Variants in RAB33A observed in about 807,000 individuals in gnomAD.
The protein encoded by RAB33A is RAB33A, member RAS oncogene family.
RAB33A carries 6 observed loss-of-function variants against 12.0 expected under a neutral mutation model. That is an observed-to-expected ratio of 0.50 (90% CI 0.27 to 0.99). The LOEUF is 0.99. Ranked by LOEUF, RAB33A falls within the 50% of genes least tolerant of loss-of-function variation. The probability of loss-of-function intolerance (pLI) is 0.11; values close to 1 mark genes in which losing one functional copy is unlikely to be tolerated. For synonymous variants in RAB33A, 70 were observed against 82.4 expected, an observed-to-expected ratio of 0.85 and a Z score of 0.81; for missense variants, 109 against 192.0, an observed-to-expected ratio of 0.57 and a Z score of 2.55.
chrX:130,116,678 G>A, the RAB33A span, among the ~76,000 whole-genome samples: 2 of 112,622 alleles, frequency 1.8e-5, no homozygotes, highest in African/African-American at 6.4e-5. Flanking sequence ...TGCAACATGG[G>A]CTGGTTATAC....
the RAB33A span, chrX:130,165,806 A>G: frequency 1.8e-6 from 1 of 544,673 alleles, no homozygotes; most frequent in Admixed American, 2.7e-5. Flanking sequence ...GGCATTGGAC[A>G]GAGAAGCCGG....
the RAB33A span, among the ~76,000 whole-genome samples, chrX:130,158,547 T>TTGC: frequency 9.1e-6 from 1 of 110,354 alleles, no homozygotes; most frequent in African/African-American, 3.3e-5. Context: ...GATGCTGCTG[T>TTGC]TGCTGCTGCT....
upstream of RAB33A, among the ~76,000 whole-genome samples, chrX:130,171,247 C>T (rs2031601998): frequency 1.8e-5 from 2 of 112,800 alleles, no homozygotes; most frequent in Non-Finnish European, 3.8e-5. Context: ...CTGCCTGGGG[C>T]CCGCGAGTGC....
At chrX:130,139,706 T>C in the RAB33A span, 1 of 869,755 alleles carries the variant, frequency 1.1e-6, no homozygotes, top group Non-Finnish European at 1.7e-6. Flanking sequence ...AACTTGGATC[T>C]CCCAAGTCCC....
chrX:130,147,382 T>C, the RAB33A span: 4 of 988,409 alleles, frequency 4.0e-6, no homozygotes, highest in Non-Finnish European at 5.7e-6. Flanking sequence ...TAGACTCTAG[T>C]GGACAGCCAA....
intron 1 of RAB33A, among the ~76,000 whole-genome samples, chrX:130,182,280 CAT>C (rs1190951756): frequency 6.0e-5 from 6 of 99,679 alleles, no homozygotes; most frequent in African/African-American, 2.2e-4. Context: ...ATATATATAA[CAT>C]ATATATGCAT....
chrX:130,131,352 A>G, the RAB33A span, among the ~76,000 whole-genome samples: 5 of 112,344 alleles, frequency 4.5e-5, no homozygotes, highest in African/African-American at 1.6e-4. Flanking sequence ...CGCAATCTAA[A>G]AAGTTCAGGT....
the RAB33A span, among the ~76,000 whole-genome samples, chrX:130,159,258 T>C: frequency 8.5e-3 from 697 of 81,758 alleles, 6 homozygotes; most frequent in African/African-American, 0.029. Context: ...GAATTACAGA[T>C]AAGAGACTTT....
upstream of RAB33A, among the ~76,000 whole-genome samples, chrX:130,168,406 G>C (rs1384996069): frequency 2.7e-5 from 3 of 109,490 alleles, no homozygotes; most frequent in Non-Finnish European, 5.7e-5. Context: ...GTAGAGACGG[G>C]GTTCCACAAT....
intron 1 of RAB33A, among the ~76,000 whole-genome samples, chrX:130,178,036 C>T (rs1212686731): frequency 4.5e-5 from 5 of 112,357 alleles, no homozygotes; most frequent in African/African-American, 1.3e-4. Flanking sequence ...AAAATGAGAT[C>T]ACTGCTAGGT....
chrX:130,128,998 GGAGATAAAACCAT>G, the RAB33A span, among the ~76,000 whole-genome samples: 3 of 112,470 alleles, frequency 2.7e-5, no homozygotes, highest in African/African-American at 9.7e-5. Flanking sequence ...GCTAAGCTCT[GGAGATAAAACCAT>G]GAGCAAGGCC....
At chrX:130,114,075 TA>T in the RAB33A span, among the ~76,000 whole-genome samples, 2 of 112,171 alleles carry the variant, frequency 1.8e-5, no homozygotes, top group African/African-American at 6.5e-5. Context: ...TGCTCAGGAC[TA>T]ATGGTGGATC....
the RAB33A span, among the ~76,000 whole-genome samples, chrX:130,140,944 C>T: frequency 8.9e-6 from 1 of 111,855 alleles, no homozygotes; most frequent in Non-Finnish European, 1.9e-5. Context: ...GGCGAAACCC[C>T]GTCTCTACTA....
chrX:130,143,431 T>G, the RAB33A span, among the ~76,000 whole-genome samples: 125 of 111,720 alleles, frequency 1.1e-3, no homozygotes, highest in African/African-American at 4.0e-3. Flanking sequence ...GGCTAGAAAT[T>G]AGAAAATCAT....
chrX:130,157,738 G>A, the RAB33A span, among the ~76,000 whole-genome samples: 42 of 109,889 alleles, frequency 3.8e-4, no homozygotes, highest in Non-Finnish European at 3.8e-5. Context: ...AGGCCTAGGT[G>A]GGCAGATCAC....
the RAB33A span, among the ~76,000 whole-genome samples, chrX:130,125,803 GAAC>G: frequency 9.0e-6 from 1 of 111,600 alleles, no homozygotes; most frequent in South Asian, 3.7e-4. Flanking sequence ...CTGTTGATTA[GAAC>G]AACAACAAAA....
the RAB33A span, among the ~76,000 whole-genome samples, chrX:130,126,585 T>C: frequency 9.0e-6 from 1 of 111,333 alleles, no homozygotes; most frequent in African/African-American, 3.3e-5. Flanking sequence ...AAGTGGCAAG[T>C]TGTGACAGCT....
At chrX:130,133,520 T>C in the RAB33A span, 73 of 1,168,308 alleles carry the variant, frequency 6.2e-5, no homozygotes, top group Non-Finnish European at 8.3e-5. Flanking sequence ...AAAGACAAAA[T>C]ATAAACTTTG....
At chrX:130,143,118 T>G in the RAB33A span, among the ~76,000 whole-genome samples, 53,793 of 109,873 alleles carry the variant, frequency 0.49, 10,319 homozygotes, top group African/African-American at 0.69. Context: ...AAATTGGGGT[T>G]CCCCAGGGCT....
Sources: gnomAD v4.1 joint callset for allele counts (sites outside exome capture counted in the v4.1 genomes callset) on GRCh38, gnomAD v4.1.1 for gene constraint, MANE v1.5 for transcripts, NCBI Gene and HGNC (gene_info 2026-07-23, HGNC 2026-07-21) for gene names.